MAPK14: variants seen among roughly 807,000 people sequenced by gnomAD.
MAPK14 encodes the protein CSAID-binding protein.
Under a neutral mutation model 49.6 loss-of-function variants are expected in MAPK14, and 16 were observed. The observed-to-expected ratio is 0.32, with a 90% CI of 0.22 to 0.49. The LOEUF is 0.49. Ranked by LOEUF, MAPK14 falls within the 20% of genes least tolerant of loss-of-function variation. MAPK14 has a pLI of 0.99. For synonymous variants in MAPK14, 142 were observed against 158.0 expected (o/e 0.90, Z 0.76); for missense variants, 200 against 441.2 (o/e 0.45, Z 4.90).
intron 2 of MAPK14, among the ~76,000 whole-genome samples, chr6:36,056,410 A>G (rs1323850657): frequency 6.6e-6 from 1 of 152,186 alleles, no homozygotes; most frequent in African/African-American, 2.4e-5. Context: ...TACCAAATGT[A>G]TTTGCCAATT....
chr6:36,099,844 A>G (rs967273589), intron 9 of MAPK14, among the ~76,000 whole-genome samples: 1 of 152,246 alleles, frequency 6.6e-6, no homozygotes, highest in Admixed American at 6.5e-5. Flanking sequence ...TCCCACAAAC[A>G]GGTTTTGGCC....
chr6:36,103,064 C>T (rs1013154153), intron 10 of MAPK14, among the ~76,000 whole-genome samples: 1 of 152,140 alleles, frequency 6.6e-6, no homozygotes, highest in Non-Finnish European at 1.5e-5. Context: ...CCCAGGAGCT[C>T]CCTGCAGGGT....
intron 8 of MAPK14, among the ~76,000 whole-genome samples, chr6:36,088,212 C>T (rs1765067692): frequency 6.6e-6 from 1 of 152,080 alleles, no homozygotes; most frequent in Non-Finnish European, 1.5e-5. Flanking sequence ...AGGACATAGA[C>T]ATGGGCAAAA....
chr6:36,118,025 T>G, the MAPK14 span, among the ~76,000 whole-genome samples: 1 of 152,270 alleles, frequency 6.6e-6, no homozygotes, highest in Non-Finnish European at 1.5e-5. Context: ...TGTGTGGAAT[T>G]TCCTTGTTTA....
At chr6:36,104,103 C>T (rs1181799007) in intron 10 of MAPK14, among the ~76,000 whole-genome samples, 4 of 152,154 alleles carry the variant, frequency 2.6e-5, no homozygotes, top group Admixed American at 6.5e-5. Flanking sequence ...GAGATACTCA[C>T]GCTCTTTGAA....
chr6:36,036,255 C>CAA (rs35795294), intron 1 of MAPK14, among the ~76,000 whole-genome samples: 27,571 of 104,498 alleles, frequency 0.26, 4,206 homozygotes, highest in Middle Eastern at 0.33. Flanking sequence ...GAGTACATCT[C>CAA]AAAAAAAAAA....
At chr6:36,057,222 A>G (rs1474755489) in intron 2 of MAPK14, among the ~76,000 whole-genome samples, 2 of 152,236 alleles carry the variant, frequency 1.3e-5, no homozygotes, top group African/African-American at 4.8e-5. Flanking sequence ...TGGTTAAGTT[A>G]TGGTATACAC....
the MAPK14 span, among the ~76,000 whole-genome samples, chr6:36,121,568 C>T: frequency 6.6e-6 from 1 of 152,176 alleles, no homozygotes; most frequent in Non-Finnish European, 1.5e-5. Flanking sequence ...TCACCAGGAT[C>T]AGGGTGGCTT....
intron 3 of MAPK14, among the ~76,000 whole-genome samples, chr6:36,071,905 G>A (rs143748912): frequency 7.0e-4 from 107 of 152,130 alleles, no homozygotes; most frequent in African/African-American, 2.4e-3. Context: ...GGGTTTCCCT[G>A]TGTTACCCAG....
At chr6:36,029,841 A>AGT (rs913334446) in intron 1 of MAPK14, among the ~76,000 whole-genome samples, 3 of 151,710 alleles carry the variant, frequency 2.0e-5, no homozygotes, top group Non-Finnish European at 2.9e-5. Flanking sequence ...ACATTCAGAG[A>AGT]GTGTGTGTGT....
In MAPK14 at chr6:36,028,423, C is replaced by T. The variant is rs1480010195; in HGVS notation, c.116+150C>T. The T allele has an allele frequency of 3.3e-6, 2 of 609,588 alleles. No homozygotes were observed. The highest frequency in any genetic ancestry group is 2.0e-5 in the South Asian group (1 of 51,002). 37.8% of individuals were successfully genotyped at this position (609,588 alleles called of 1,614,324 possible). A position where few individuals can be genotyped will look rare whatever the true frequency, so the allele number is the denominator to read the frequency against. On this transcript the variant is annotated intron_variant, in intron 1 of 11. Transcript: ENST00000229794. The surrounding 1 kb of genome is among the most constrained non-coding windows in gnomAD (Gnocchi z 5.1). ...GCCCCTTCGAGCTCTGCCCGTTCTG[C>T]ACCTCCAGCACCCCTCGCCCTGCAC... is the stretch of plus-strand genomic sequence containing the variant.
At chr6:36,049,381 A>G (rs1763308642) in intron 1 of MAPK14, among the ~76,000 whole-genome samples, 1 of 152,126 alleles carries the variant, frequency 6.6e-6, no homozygotes, top group Non-Finnish European at 1.5e-5. Flanking sequence ...ATGAGCTCCC[A>G]GATAATGTCA....
rs1225402353 is a variant in MAPK14 at position 36,028,134 on chromosome 6, T to C, written c.-24T>C. 1 of 1,577,174 alleles carries C rather than the reference T, an allele frequency of 6.3e-7. No homozygotes were observed. Among genetic ancestry groups the C allele is most frequent in the African/African-American group, 1.3e-5 (1 of 74,266 alleles). ...GCGGGGGCCCCACAGGGCCACCTTC[T>C]TGCCCGGCGGCTGCCGCTGGAAAAT... On this transcript the variant is annotated 5_prime_UTR_variant, in exon 1 of 12. Coordinates refer to ENST00000229794, the MANE Select transcript of MAPK14 (RefSeq NM_139012.3). The surrounding 1 kb of genome is among the most constrained non-coding windows in gnomAD (Gnocchi z 5.1).
chr6:36,122,224 G>A, the MAPK14 span, among the ~76,000 whole-genome samples: 4 of 152,230 alleles, frequency 2.6e-5, no homozygotes, highest in Non-Finnish European at 5.9e-5. Context: ...AGAAGGGGTG[G>A]AGCAAGGAGA....
chr6:36,030,442 C>G (rs1762493965), intron 1 of MAPK14, among the ~76,000 whole-genome samples: 1 of 152,126 alleles, frequency 6.6e-6, no homozygotes, highest in South Asian at 2.1e-4. Context: ...AATCCCAGCA[C>G]TTTGGGAGGC....
intron 8 of MAPK14, among the ~76,000 whole-genome samples, chr6:36,089,668 T>C (rs1431811858): frequency 6.6e-6 from 1 of 152,232 alleles, no homozygotes; most frequent in Non-Finnish European, 1.5e-5. Flanking sequence ...GATAGCATTA[T>C]TATTTTTTAA....
intron 1 of MAPK14, among the ~76,000 whole-genome samples, chr6:36,051,539 G>A (rs1399105352): frequency 6.6e-6 from 1 of 152,152 alleles, no homozygotes; most frequent in East Asian, 1.9e-4. Context: ...TACCCACACA[G>A]CCTTTCTGTC....
At chr6:36,051,301 G>A (rs1196900720) in intron 1 of MAPK14, among the ~76,000 whole-genome samples, 1 of 151,952 alleles carries the variant, frequency 6.6e-6, no homozygotes, top group African/African-American at 2.4e-5. Flanking sequence ...AGTAGAGATG[G>A]GGTTTCACCA....
the MAPK14 span, among the ~76,000 whole-genome samples, chr6:36,122,116 G>A: frequency 5.9e-5 from 9 of 152,258 alleles, no homozygotes; most frequent in Admixed American, 5.2e-4. Flanking sequence ...GCCATGGCAG[G>A]TAGCCCTGCT....
Sources: allele counts gnomAD v4.1 joint callset (sites outside exome capture counted in the v4.1 genomes callset), GRCh38; gene constraint gnomAD v4.1.1; non-coding constraint Gnocchi (gnomAD v3.1); transcripts MANE v1.5; gene names NCBI Gene and HGNC (gene_info 2026-07-23, HGNC 2026-07-21).